The following RP9 variants were observed in gnomAD, a reference collection of about 807,000 sequenced individuals.
The protein encoded by RP9 is RP9 pre-mRNA splicing factor, also known as retinitis pigmentosa 9 protein.
RP9 carries 23 observed loss-of-function variants against 32.6 expected under a neutral mutation model. That is an observed-to-expected ratio of 0.71 (90% CI 0.51 to 1.00). The LOEUF (loss-of-function observed/expected upper bound fraction) is 1.00, where lower values mean the gene tolerates loss of function less well. RP9 is among the 50% of genes least tolerant of loss of function. The pLI is 0.00. For synonymous variants in RP9, 94 were observed against 103.6 expected, an observed-to-expected ratio of 0.91 and a Z score of 0.56; for missense variants, 245 against 285.3, an observed-to-expected ratio of 0.86 and a Z score of 1.02.
chr7:33,103,143 A>C (rs1788451950), intron 1 of RP9, among the ~76,000 whole-genome samples: 1 of 152,234 alleles, frequency 6.6e-6, no homozygotes, highest in Non-Finnish European at 1.5e-5. Flanking sequence ...AATTTGGGAA[A>C]GTGGAAATAG....
intron 1 of RP9, among the ~76,000 whole-genome samples, chr7:33,105,806 TC>T (rs1788490840): frequency 6.6e-6 from 1 of 152,232 alleles, no homozygotes; most frequent in Non-Finnish European, 1.5e-5. Flanking sequence ...ACATTCTTCA[TC>T]CAAACTAAGC....
chr7:33,104,483 T>G (rs1307682106), intron 1 of RP9, among the ~76,000 whole-genome samples: 1 of 151,624 alleles, frequency 6.6e-6, no homozygotes, highest in Non-Finnish European at 1.5e-5. Flanking sequence ...AAAAGTCAAT[T>G]GGAAAAGACT....
chr7:33,104,708 G>C lies in RP9; in HGVS notation c.153-4147C>G, dbSNP rs115134579. ...TTTTCCTCCTGCCTCAGCCTCTGGAGTAGCTGGGACTACAGGTCCATATCA... is the reference window on the plus strand; with the variant it reads ...TTTTCCTCCTGCCTCAGCCTCTGGACTAGCTGGGACTACAGGTCCATATCA... On this transcript the variant is annotated intron_variant, in intron 1 of 5. Coordinates refer to ENST00000297157, the MANE Select transcript of RP9 (RefSeq NM_203288.2). 1.7e-3 allele frequency among the ~76,000 whole-genome samples: 264 copies of C among 152,270 alleles called. 1 individual carries two copies. The highest frequency in any genetic ancestry group is 6.0e-3 in the African/African-American group (250 of 41,546).
Position 33,100,286 on chromosome 7 carries a change from A to G in RP9, c.183+245T>C, listed in dbSNP as rs76420353. Reference sequence around the variant, plus strand: ...ATCCCCAGCAAGAGAGAAGAGGGGCATGGCCAAGGAATCCACGTGGGCCTG... The same window carrying G: ...ATCCCCAGCAAGAGAGAAGAGGGGCGTGGCCAAGGAATCCACGTGGGCCTG... On this transcript the variant is annotated intron_variant, in intron 2 of 5. Coordinates refer to ENST00000297157, the MANE Select transcript of RP9 (RefSeq NM_203288.2). 1,088 of 567,442 alleles carry G rather than the reference A, an allele frequency of 1.9e-3. 11 individuals carry two copies. The highest frequency in any genetic ancestry group is 0.018 in the African/African-American group (979 of 53,070). 35.2% of individuals were successfully genotyped at this position (567,442 alleles called of 1,614,324 possible).
intron 1 of RP9, chr7:33,100,916 C>A (rs1409530962): frequency 4.8e-6 from 2 of 417,890 alleles, no homozygotes; most frequent in Non-Finnish European, 4.6e-6. Context: ...TCTCAGGCTC[C>A]TAAAGCAATT....
At chr7:33,106,930 C>T (rs993821880) in intron 1 of RP9, among the ~76,000 whole-genome samples, 13 of 149,670 alleles carry the variant, frequency 8.7e-5, no homozygotes, top group Admixed American at 5.4e-4. Flanking sequence ...GGTGACAGAG[C>T]GAGACTCCAT....
At chr7:33,101,945 A>G (rs886736180) in intron 1 of RP9, among the ~76,000 whole-genome samples, 7 of 152,340 alleles carry the variant, frequency 4.6e-5, no homozygotes, top group Admixed American at 1.3e-4. Context: ...GCTTGACAGT[A>G]AAGTCTATAA....
At chr7:33,101,941 C>T (rs142186703) in intron 1 of RP9, among the ~76,000 whole-genome samples, 1 of 152,120 alleles carries the variant, frequency 6.6e-6, no homozygotes, top group Non-Finnish European at 1.5e-5. Context: ...AGGAGCTTGA[C>T]AGTAAAGTCT....
chr7:33,109,258 C>T lies in RP9; in HGVS notation c.115G>A (p.Ala39Thr). 4.7e-6 allele frequency: 7 copies of T among 1,494,342 alleles called. No individual in the cohort carries two copies. Among genetic ancestry groups the T allele is most frequent in the Non-Finnish European group, 6.2e-6 (7 of 1,125,222 alleles). The allele number at this position is 1,494,342 out of a possible 1,614,324, so 92.6% of individuals were successfully genotyped here. A position where few individuals can be genotyped will look rare whatever the true frequency, so the allele number is the denominator to read the frequency against. The change falls in exon 1 of 6, where the codon GCG becomes ACG. Residue 39 changes from alanine (A) to threonine (T), a missense_variant. By Grantham distance (58) the Ala-to-Thr change is moderately conservative. This residue lies in a region of RP9 where 182 missense variants were observed against 175.5 expected (regional missense o/e 1.04). Transcript: ENST00000297157. The surrounding 1 kb of genome is among the most constrained non-coding windows in gnomAD (Gnocchi z 4.9). ...TGCTTGAGCTGCTGCAGCTGCTGCG[C>T]GTCGTGTCGCCGCCGCTTCTGCTCC... ...RREQKRRRHD[A>T]QQLQQLKHLE...
In RP9 at chr7:33,109,199, C is replaced by A; in HGVS notation, c.152+22G>T. 6.7e-7 allele frequency: 1 copy of A among 1,487,532 alleles called. No individual in the cohort carries two copies. Among genetic ancestry groups the A allele is most frequent in the Non-Finnish European group, 8.9e-7 (1 of 1,120,364 alleles). The allele number at this position is 1,487,532 out of a possible 1,614,324, so 92.1% of individuals were successfully genotyped here. A position where few individuals can be genotyped will look rare whatever the true frequency, so the allele number is the denominator to read the frequency against. On this transcript the variant is annotated intron_variant, in intron 1 of 5. Transcript: ENST00000297157. This position sits in a 1 kb window ranked among gnomAD's most constrained non-coding sequence, Gnocchi z 4.9. ...CTGGCTTCAGAAGACTGGCCGCGCGCGGACGGCAGCTCGGGACTCACAAGG... is the reference window on the plus strand; with the variant it reads ...CTGGCTTCAGAAGACTGGCCGCGCGAGGACGGCAGCTCGGGACTCACAAGG...
At chr7:33,099,115 T>A in intron 3 of RP9, 192 bp downstream of exon 3, 1 of 668,544 alleles carries the variant, frequency 1.5e-6, no homozygotes. Flanking sequence ...TGGCTTAAGA[T>A]GACAGCCCTC....
intron 1 of RP9, among the ~76,000 whole-genome samples, chr7:33,106,356 T>G (rs951765773): frequency 9.2e-5 from 14 of 152,086 alleles, no homozygotes; most frequent in African/African-American, 2.9e-4. Context: ...CCTTCTTTCT[T>G]GCAGAGATAA....
chr7:33,104,192 G>A (rs1190533565), intron 1 of RP9, among the ~76,000 whole-genome samples: 3 of 152,050 alleles, frequency 2.0e-5, no homozygotes, highest in Non-Finnish European at 2.9e-5. Context: ...AACAAAATTG[G>A]GGAGAGGAAA....
chr7:33,098,960 G>T (rs958393259), intron 3 of RP9, among the ~76,000 whole-genome samples: 2 of 152,182 alleles, frequency 1.3e-5, no homozygotes, highest in African/African-American at 2.4e-5. Context: ...GAAAGATGGT[G>T]TCTTAGTCAG....
intron 1 of RP9, among the ~76,000 whole-genome samples, chr7:33,104,304 G>C (rs1479321309): frequency 6.6e-6 from 1 of 152,128 alleles, no homozygotes; most frequent in Non-Finnish European, 1.5e-5. Flanking sequence ...GGGCCCACTT[G>C]AGGGTGGAGG....
At chr7:33,098,726 A>G (rs79111790) in intron 3 of RP9, among the ~76,000 whole-genome samples, 2,022 of 152,326 alleles carry the variant, frequency 0.013, 61 homozygotes, top group African/African-American at 0.046. Context: ...ATTCTCAAGG[A>G]AACTGATTTT....
intron 2 of RP9, chr7:33,100,324 AG>A (rs1399818177): frequency 3.7e-5 from 23 of 626,480 alleles, no homozygotes; most frequent in Middle Eastern, 4.4e-4. Context: ...CTGGTTCTTC[AG>A]GGAAGGGAAA....
At chr7:33,098,203 T>C (rs925901688) in intron 3 of RP9, among the ~76,000 whole-genome samples, 18 of 151,978 alleles carry the variant, frequency 1.2e-4, no homozygotes, top group Non-Finnish European at 1.9e-4. Context: ...TTAGGCAACA[T>C]GGTGAAACCC....
Position 33,103,512 on chromosome 7 carries a change from G to A in RP9, c.153-2951C>T, listed in dbSNP as rs1312736900. On this transcript the variant is annotated intron_variant, in intron 1 of 5. Coordinates refer to ENST00000297157, the MANE Select transcript of RP9 (RefSeq NM_203288.2). ...CTGCCCTTGACAAGAGCTGTATAGCGCCTACTCTTAAATGAGTTGAGGCCA... is the reference window on the plus strand; with the variant it reads ...CTGCCCTTGACAAGAGCTGTATAGCACCTACTCTTAAATGAGTTGAGGCCA... 2.6e-5 allele frequency among the ~76,000 whole-genome samples: 4 copies of A among 152,066 alleles called. No homozygotes were observed. The South Asian group carries it at 6.2e-4, about 24-fold the overall frequency.
Sources: gnomAD v4.1 joint callset for allele counts (sites outside exome capture counted in the v4.1 genomes callset) on GRCh38, gnomAD v4.1.1 for gene constraint, gnomAD v4.1.1 regional missense constraint, Gnocchi (gnomAD v3.1) non-coding constraint, MANE v1.5 for transcripts, NCBI Gene and HGNC (gene_info 2026-07-23, HGNC 2026-07-21) for gene names.